The following TTC34 variants were observed in gnomAD, a reference collection of about 807,000 sequenced individuals.
The protein encoded by TTC34 is tetratricopeptide repeat domain 34, also known as tetratricopeptide repeat protein 34.
TTC34 carries 44 observed loss-of-function variants against 40.7 expected under a neutral mutation model. The observed-to-expected ratio is 1.08, with a 90% CI of 0.85 to 1.39. The LOEUF is 1.39. Among genes scored for constraint, TTC34 ranks in the 40% most tolerant of loss-of-function variants. The probability of loss-of-function intolerance (pLI) is 0.00; values close to 1 mark genes in which losing one functional copy is unlikely to be tolerated. For synonymous variants in TTC34, 422 were observed against 398.6 expected (o/e 1.06, Z -0.70); for missense variants, 884 against 838.0 (o/e 1.05, Z -0.68).
chr1:2,687,428 C>T (rs1249089365), intron 6 of TTC34, among the ~76,000 whole-genome samples: 2 of 146,084 alleles, frequency 1.4e-5, no homozygotes, highest in African/African-American at 5.3e-5. Flanking sequence ...ATCTGATGGT[C>T]TGGAGCAGCA....
chr1:2,793,737 G>A (rs1280538846), intron 2 of TTC34, among the ~76,000 whole-genome samples: 5 of 152,114 alleles, frequency 3.3e-5, no homozygotes, highest in Admixed American at 2.0e-4. Context: ...GTTTTAGATC[G>A]ACGTGGGTCC....
At chr1:2,749,478 C>T (rs1385886010) in intron 6 of TTC34, among the ~76,000 whole-genome samples, 86 of 105,064 alleles carry the variant, frequency 8.2e-4, no homozygotes, top group South Asian at 1.4e-3. Flanking sequence ...GGAACAGCAC[C>T]CACATCCCCA....
At chr1:2,683,310 C>G (rs1165617212) in intron 6 of TTC34, among the ~76,000 whole-genome samples, 2 of 145,834 alleles carry the variant, frequency 1.4e-5, no homozygotes, top group East Asian at 2.0e-4. Flanking sequence ...AGAATCCACA[C>G]CCCCAGGTGA....
intron 6 of TTC34, among the ~76,000 whole-genome samples, chr1:2,768,940 G>A (rs1442408699): frequency 2.4e-5 from 1 of 41,706 alleles, no homozygotes; most frequent in Admixed American, 2.8e-4. Flanking sequence ...CCCCCCCACT[G>A]CTTCCAGGTG....
chr1:2,799,843 C>T (rs1643753292), intron 2 of TTC34, among the ~76,000 whole-genome samples: 2 of 152,220 alleles, frequency 1.3e-5, no homozygotes, highest in African/African-American at 4.8e-5. Flanking sequence ...GGAGCAGTAC[C>T]TTGCCCATCC....
At chr1:2,752,287 G>GCA (rs1641346276) in intron 6 of TTC34, among the ~76,000 whole-genome samples, 1 of 72,686 alleles carries the variant, frequency 1.4e-5, no homozygotes, top group Non-Finnish European at 2.5e-5. Context: ...ACAGCACCTT[G>GCA]CACCCCCAGG....
At chr1:2,790,551 C>T (rs965825694) in intron 2 of TTC34, among the ~76,000 whole-genome samples, 4 of 152,180 alleles carry the variant, frequency 2.6e-5, no homozygotes, top group Admixed American at 6.5e-5. Context: ...CCATGAGCGA[C>T]GGGGCAGGTT....
chr1:2,688,283 C>G (rs1290153921), intron 6 of TTC34, among the ~76,000 whole-genome samples: 2 of 148,216 alleles, frequency 1.3e-5, no homozygotes, highest in South Asian at 4.2e-4. Flanking sequence ...GGATCAGCAC[C>G]CACACTCCCA....
chr1:2,749,595 C>T (rs1641252340), intron 6 of TTC34, among the ~76,000 whole-genome samples: 1 of 109,562 alleles, frequency 9.1e-6, no homozygotes, highest in African/African-American at 4.8e-5. Context: ...CCTGGAGCAG[C>T]ACCCACACCC....
intron 6 of TTC34, among the ~76,000 whole-genome samples, chr1:2,753,494 C>CA (rs1331664403): frequency 1.1e-5 from 1 of 91,274 alleles, no homozygotes; most frequent in Non-Finnish European, 2.0e-5. Context: ...TCAGCACCCA[C>CA]ACCCCCAGGC....
At chr1:2,677,904 A>C (rs1468923538) in intron 6 of TTC34, among the ~76,000 whole-genome samples, 1 of 35,402 alleles carries the variant, frequency 2.8e-5, no homozygotes, top group Non-Finnish European at 4.7e-5. Context: ...CCAGGCGAGC[A>C]TCTGACAGCC....
Position 2,645,437 on chromosome 1 carries a change from G to A in TTC34, c.2353C>T (p.Leu785Phe). The A allele has an allele frequency of 1.3e-6, 2 of 1,535,652 alleles. No individual in the cohort carries two copies. Among genetic ancestry groups the A allele is most frequent in the Non-Finnish European group, 1.7e-6 (2 of 1,146,704 alleles). The change falls in exon 7 of 9, where the codon CTT (leucine) becomes TTT (phenylalanine). Residue 785 changes from leucine (L) to phenylalanine (F), a missense_variant. Leu to Phe is a conservative substitution (Grantham distance 22). Transcript: ENST00000401095. This position sits in a 1 kb window ranked among gnomAD's most constrained non-coding sequence, Gnocchi z 4.7. ...CCAGTGTCTGGCAGCTGGCTCAGAAGGGCCCGGCAGTGGGAGTAGAGGCCC... is the reference window on the plus strand; with the variant it reads ...CCAGTGTCTGGCAGCTGGCTCAGAAAGGCCCGGCAGTGGGAGTAGAGGCCC...
At chr1:2,786,964 A>T (rs1259342075) in intron 4 of TTC34, among the ~76,000 whole-genome samples, 1 of 152,158 alleles carries the variant, frequency 6.6e-6, no homozygotes. Context: ...CCAAGGCCTG[A>T]ATCCCACCAG....
In TTC34 at chr1:2,645,587, G is replaced by GGGGGGGT; in HGVS notation, c.2227-25_2227-24insACCCCCC. The GGGGGGGT allele has an allele frequency of 8.7e-6, 2 of 229,532 alleles. No homozygotes were observed. Among genetic ancestry groups the GGGGGGGT allele is most frequent in the Non-Finnish European group, 1.7e-5 (2 of 116,454 alleles). 14.2% of individuals were successfully genotyped at this position (229,532 alleles called of 1,614,324 possible). A position where few individuals can be genotyped will look rare whatever the true frequency, so the allele number is the denominator to read the frequency against. On this transcript the variant is annotated intron_variant, in intron 6 of 8. Transcript: ENST00000401095. This position sits in a 1 kb window ranked among gnomAD's most constrained non-coding sequence, Gnocchi z 4.7. ...TCCTGCAAGGAGGGAGGGCGGGCGG[G>GGGGGGGT]TGCAGAGTTGTCCTAAGTAGAGAAA...
chr1:2,749,391 C>G (rs1231718627), intron 6 of TTC34, among the ~76,000 whole-genome samples: 15 of 120,194 alleles, frequency 1.2e-4, no homozygotes, highest in African/African-American at 1.9e-4. Flanking sequence ...CAGCCTGGAA[C>G]AGCACCCTGC....
chr1:2,687,316 C>T (rs1269049535), intron 6 of TTC34, among the ~76,000 whole-genome samples: 308 of 96,390 alleles, frequency 3.2e-3, no homozygotes, highest in Admixed American at 6.7e-3. Context: ...CGTGGAACAG[C>T]ACCCCAAACC....
intron 6 of TTC34, among the ~76,000 whole-genome samples, chr1:2,646,271 A>G (rs1435325359): frequency 6.6e-6 from 1 of 152,092 alleles, no homozygotes; most frequent in African/African-American, 2.4e-5. Context: ...GGGCCACTTT[A>G]CCTAATATGT....
At chr1:2,642,374 C>T (rs1333466477) in intron 8 of TTC34, among the ~76,000 whole-genome samples, 1 of 152,164 alleles carries the variant, frequency 6.6e-6, no homozygotes, top group Non-Finnish European at 1.5e-5. Flanking sequence ...TGCTGCCCAG[C>T]CCTTCCACTC....
chr1:2,797,778 A>C (rs1643722243), intron 2 of TTC34, among the ~76,000 whole-genome samples: 1 of 151,840 alleles, frequency 6.6e-6, no homozygotes, highest in Non-Finnish European at 1.5e-5. Flanking sequence ...GGGGCGTCTA[A>C]ACCTCTGACA....
Sources: gnomAD v4.1 joint callset for allele counts (sites outside exome capture counted in the v4.1 genomes callset) on GRCh38, gnomAD v4.1.1 for gene constraint, Gnocchi (gnomAD v3.1) non-coding constraint, MANE v1.5 for transcripts, NCBI Gene and HGNC (gene_info 2026-07-23, HGNC 2026-07-21) for gene names.